KCNIP4: variants seen among roughly 807,000 people sequenced by gnomAD.
KCNIP4 encodes Kv channel-interacting protein 4.
In KCNIP4, 12 loss-of-function variants were observed where a neutral mutation model predicts 34.0. That is an observed-to-expected ratio of 0.35 (90% CI 0.23 to 0.57). The LOEUF (loss-of-function observed/expected upper bound fraction) is 0.57. Ranked by LOEUF, KCNIP4 falls within the 20% of genes least tolerant of loss-of-function variation. The probability of loss-of-function intolerance (pLI) is 0.83; values close to 1 mark genes in which losing one functional copy is unlikely to be tolerated. For missense variants in KCNIP4, 238 were observed against 311.7 expected (o/e 0.76, Z 1.78); for synonymous variants, 124 against 102.2 (o/e 1.21, Z -1.29).
intron 1 of KCNIP4, among the ~76,000 whole-genome samples, chr4:21,676,389 G>A (rs541434217): frequency 4.6e-4 from 70 of 152,256 alleles, no homozygotes; most frequent in Non-Finnish European, 8.5e-4. Flanking sequence ...GTCAAAAGAC[G>A]ACTCTTCCCT....
intron 1 of KCNIP4, among the ~76,000 whole-genome samples, chr4:21,213,711 A>T (rs1182402069): frequency 6.6e-6 from 1 of 152,102 alleles, no homozygotes; most frequent in Non-Finnish European, 1.5e-5. Flanking sequence ...AGCCCAAGTT[A>T]TTTTCAGTTA....
intron 1 of KCNIP4, among the ~76,000 whole-genome samples, chr4:21,495,784 CAG>C (rs1577462973): frequency 6.6e-6 from 1 of 152,146 alleles, no homozygotes; most frequent in Non-Finnish European, 1.5e-5. Context: ...CAGAGTAAGA[CAG>C]AGTCAGAGAA....
chr4:21,604,402 GT>G (rs1215971159), intron 1 of KCNIP4, among the ~76,000 whole-genome samples: 1 of 152,148 alleles, frequency 6.6e-6, no homozygotes, highest in African/African-American at 2.4e-5. Flanking sequence ...TGCTCAGCTA[GT>G]AATTTTAGGA....
chr4:21,107,242 T>C (rs1320406294), intron 1 of KCNIP4, among the ~76,000 whole-genome samples: 1 of 145,586 alleles, frequency 6.9e-6, no homozygotes, highest in Non-Finnish European at 1.5e-5. Context: ...TAAGTCTCTT[T>C]GTAGGTCACT....
chr4:21,015,421 A>G (rs893105435), intron 1 of KCNIP4, among the ~76,000 whole-genome samples: 8 of 142,282 alleles, frequency 5.6e-5, no homozygotes, highest in Non-Finnish European at 7.6e-5. Context: ...ACTATTCTAT[A>G]TATCATGGTT....
At chr4:20,953,586 G>A (rs1733004706) in intron 1 of KCNIP4, among the ~76,000 whole-genome samples, 2 of 152,128 alleles carry the variant, frequency 1.3e-5, no homozygotes, top group Admixed American at 1.3e-4. Context: ...AGAGGCTGAG[G>A]CAGGAGGATT....
At chr4:21,094,080 T>C (rs1747256816) in intron 1 of KCNIP4, among the ~76,000 whole-genome samples, 1 of 133,550 alleles carries the variant, frequency 7.5e-6, no homozygotes, top group South Asian at 2.2e-4. Flanking sequence ...AGACTCCGTC[T>C]CAAAAAAAAA....
At chr4:21,064,503 T>A (rs1208734714) in intron 1 of KCNIP4, among the ~76,000 whole-genome samples, 1 of 152,170 alleles carries the variant, frequency 6.6e-6, no homozygotes, top group African/African-American at 2.4e-5. Context: ...GGATTTTATT[T>A]TACCAATTCT....
intron 3 of KCNIP4, among the ~76,000 whole-genome samples, chr4:20,777,497 G>C (rs1391652373): frequency 6.6e-6 from 1 of 152,138 alleles, no homozygotes; most frequent in Non-Finnish European, 1.5e-5. Flanking sequence ...GGCCCAAAGA[G>C]CTGCTGTGCC....
At chr4:21,669,442 G>A (rs1290526196) in intron 1 of KCNIP4, among the ~76,000 whole-genome samples, 2 of 152,132 alleles carry the variant, frequency 1.3e-5, no homozygotes, top group African/African-American at 4.8e-5. Context: ...CTAATTTACT[G>A]TAAGAATACA....
chr4:21,876,384 A>T (rs1726112736), intron 1 of KCNIP4, among the ~76,000 whole-genome samples: 1 of 152,182 alleles, frequency 6.6e-6, no homozygotes, highest in Admixed American at 6.5e-5. Flanking sequence ...TAAAGATTAC[A>T]TTTTTATTCC....
intron 3 of KCNIP4, among the ~76,000 whole-genome samples, chr4:20,822,287 T>C (rs911944286): frequency 3.9e-5 from 6 of 152,042 alleles, no homozygotes; most frequent in African/African-American, 1.4e-4. Flanking sequence ...AAAGAAAATA[T>C]ACAAACAAAT....
At chr4:21,398,119 G>C (rs1723162808) in intron 1 of KCNIP4, among the ~76,000 whole-genome samples, 1 of 152,042 alleles carries the variant, frequency 6.6e-6, no homozygotes, top group African/African-American at 2.4e-5. Flanking sequence ...TTTGTTTTTT[G>C]GTCAAGGTTA....
At chr4:20,945,251 T>C (rs911622055) in intron 1 of KCNIP4, among the ~76,000 whole-genome samples, 10 of 152,114 alleles carry the variant, frequency 6.6e-5, no homozygotes, top group African/African-American at 2.4e-4. Context: ...CACACTGAAG[T>C]TTGCAAAGTA....
chr4:21,116,785 G>A (rs1749712579), intron 1 of KCNIP4, among the ~76,000 whole-genome samples: 1 of 152,092 alleles, frequency 6.6e-6, no homozygotes, highest in Non-Finnish European at 1.5e-5. Flanking sequence ...ACCAACAATC[G>A]ATGCCTTCCA....
At chr4:21,352,490 A>T (rs1222744768) in intron 1 of KCNIP4, among the ~76,000 whole-genome samples, 1 of 152,232 alleles carries the variant, frequency 6.6e-6, no homozygotes, top group African/African-American at 2.4e-5. Context: ...TGCCTGGCTC[A>T]GTGGGTCCCA....
intron 1 of KCNIP4, among the ~76,000 whole-genome samples, chr4:20,973,966 TATA>T (rs1315539364): frequency 2.6e-5 from 4 of 152,106 alleles, no homozygotes; most frequent in Admixed American, 2.6e-4. Flanking sequence ...CTAAAATATA[TATA>T]ATAATAACGA....
At chr4:21,335,704 T>C (rs773400868) in intron 1 of KCNIP4, among the ~76,000 whole-genome samples, 1 of 152,204 alleles carries the variant, frequency 6.6e-6, no homozygotes, top group Non-Finnish European at 1.5e-5. Context: ...CTCACTGGAT[T>C]TACATTTCTT....
At chr4:21,889,198 A>G (rs1294814901) in intron 1 of KCNIP4, among the ~76,000 whole-genome samples, 1 of 152,216 alleles carries the variant, frequency 6.6e-6, no homozygotes, top group South Asian at 2.1e-4. Flanking sequence ...TTGCTTTTCC[A>G]TGGGTCAATG....
Sources: allele counts gnomAD v4.1 joint callset (sites outside exome capture counted in the v4.1 genomes callset), GRCh38; gene constraint gnomAD v4.1.1; transcripts MANE v1.5; gene names NCBI Gene and HGNC (gene_info 2026-07-23, HGNC 2026-07-21).